The following HNF1A variants were observed in gnomAD, a reference collection of about 807,000 sequenced individuals.
HNF1A encodes the protein HNF1 homeobox A, also known as hepatocyte nuclear factor 1-alpha.
In HNF1A, 21 loss-of-function variants were observed where a neutral mutation model predicts 62.2. The observed-to-expected ratio is 0.34, with a 90% CI of 0.24 to 0.49. HNF1A has a LOEUF of 0.49. Among genes scored for constraint, HNF1A ranks in the 20% least tolerant of loss-of-function variants. HNF1A has a pLI of 0.99. For missense variants in HNF1A, 687 were observed against 832.3 expected (o/e 0.83, Z 2.15); for synonymous variants, 374 against 366.8 (o/e 1.02, Z -0.22).
chr12:120,996,510 C>A lies in HNF1A; in HGVS notation c.1108-31C>A, dbSNP rs374925436. ...AGGGAGGCCCTGTGGGGACCCCGGC[C>A]CCCCGGACACAGCTTGGCTTCCCCT... On this transcript the variant is annotated intron_variant, in intron 5 of 9. Transcript: ENST00000257555. The surrounding 1 kb of genome is among the most constrained non-coding windows in gnomAD (Gnocchi z 4.5). The A allele has an allele frequency of 3.3e-5, 54 of 1,613,022 alleles. No individual in the cohort carries two copies. In the African/African-American group the frequency reaches 6.4e-4, roughly 19 times the overall value.
chr12:121,000,965 G>C (rs1877421669), intron 9 of HNF1A, 100 bp from the exon 10 acceptor site: 1 of 1,502,506 alleles, frequency 6.7e-7, no homozygotes, highest in African/African-American at 1.4e-5. Flanking sequence ...GATCCAGGAG[G>C]TGTGGCCCTG....
intron 4 of HNF1A, among the ~76,000 whole-genome samples, chr12:120,994,745 A>G (rs570909155): frequency 1.3e-5 from 2 of 151,320 alleles, no homozygotes; most frequent in African/African-American, 2.4e-5. Context: ...CATCCCATCC[A>G]CTACATTCAA....
chr12:120,983,683 C>T (rs994638607), intron 1 of HNF1A, among the ~76,000 whole-genome samples: 1 of 151,746 alleles, frequency 6.6e-6, no homozygotes, highest in African/African-American at 2.4e-5. Flanking sequence ...GTAGCTGGGA[C>T]CACAGGCATA....
At chr12:120,997,866 G>C in intron 7 of HNF1A, 1 of 719,764 alleles carries the variant, frequency 1.4e-6, no homozygotes, top group Non-Finnish European at 2.6e-6. Context: ...CTGCTTGTGT[G>C]AGCAGATCCC....
chr12:120,994,319 C>G lies in HNF1A; in HGVS notation c.869C>G (p.Pro290Arg), dbSNP rs778231679. The G allele has an allele frequency of 6.2e-6, 10 of 1,610,226 alleles. 1 individual carries two copies. The highest frequency in any genetic ancestry group is 3.3e-5 in the South Asian group (3 of 90,522). ...KLAMDTYSGP[P>R]PGPGPGPALP... Reference sequence around the variant, plus strand: ...GCCATGGACACGTACAGCGGGCCCCCCCCAGGGCCAGGCCCGGGACCTGCG... The same window carrying G: ...GCCATGGACACGTACAGCGGGCCCCGCCCAGGGCCAGGCCCGGGACCTGCG... Residue 290 changes from proline to arginine, a missense_variant, in exon 4 of 10, where the codon CCC (proline) becomes CGC (arginine). Coordinates refer to ENST00000257555, the MANE Select transcript of HNF1A (RefSeq NM_000545.8).
In HNF1A at chr12:120,996,844, A is replaced by ATTCATT; in HGVS notation, c.1309+102_1309+103insTTCATT. 2.6e-6 allele frequency: 1 copy of ATTCATT among 390,150 alleles called. No homozygotes were observed. Among genetic ancestry groups the ATTCATT allele is most frequent in the Non-Finnish European group, 4.2e-6 (1 of 237,334 alleles). The allele number at this position is 390,150 out of a possible 1,614,324, so 24.2% of individuals were successfully genotyped here. A position where few individuals can be genotyped will look rare whatever the true frequency, so the allele number is the denominator to read the frequency against. On this transcript the variant is annotated intron_variant, in intron 6 of 9. Transcript: ENST00000257555. This position sits in a 1 kb window ranked among gnomAD's most constrained non-coding sequence, Gnocchi z 4.5. ...CACTGGGACTCATTCATTCATTCAT[A>ATTCATT]CAACATGTATTTATCCAGTGCCTAC... is the stretch of plus-strand genomic sequence containing the variant.
chr12:121,001,019 G>T, intron 9 of HNF1A, 46 bp from the exon 10 acceptor site: 2 of 1,609,824 alleles, frequency 1.2e-6, no homozygotes, highest in Non-Finnish European at 1.7e-6. Flanking sequence ...GGTGGGGTGG[G>T]TGTGGGTGCC....
At chr12:120,984,738 CG>C (rs1263566073) in intron 1 of HNF1A, among the ~76,000 whole-genome samples, 1 of 151,806 alleles carries the variant, frequency 6.6e-6, no homozygotes, top group Non-Finnish European at 1.5e-5. Context: ...GAGAGGCCTG[CG>C]GGGGTGGGGT....
chr12:120,994,469 G>A lies in HNF1A; in HGVS notation c.955+64G>A, dbSNP rs1421621317. On this transcript the variant is annotated intron_variant, in intron 4 of 9. Coordinates refer to ENST00000257555, the MANE Select transcript of HNF1A (RefSeq NM_000545.8). ...GGGAGGGTTGGGGAGGACTGTCCCA[G>A]TGACAGCAGTCACCTAAACCTCTTT... 4.6e-6 allele frequency: 7 copies of A among 1,532,082 alleles called. No homozygotes were observed. In the Admixed American group the frequency reaches 1.4e-4, roughly 31 times the overall value. The allele number at this position is 1,532,082 out of a possible 1,614,324, so 94.9% of individuals were successfully genotyped here.
chr12:120,982,329 C>T (rs1876294070), intron 1 of HNF1A, among the ~76,000 whole-genome samples: 1 of 152,294 alleles, frequency 6.6e-6, no homozygotes, highest in East Asian at 1.9e-4. Context: ...CTCGGCCTCC[C>T]AAAGTGCTGG....
Position 120,993,584 on chromosome 12 carries a change from G to T in HNF1A, c.591G>T (p.Lys197Asn). The stretch of plus-strand genomic sequence containing the variant: ...CCACAGGTGATGAGCTACCAACCAA[G>T]AAGGGGCGGAGGAACCGTTTCAAGT... ...EEPTGDELPT[K>N]KGRRNRFKWG... Residue 197 changes from lysine to asparagine, a missense_variant, in exon 3 of 10, where the codon AAG becomes AAT. By Grantham distance (94) the Lys-to-Asn change is moderately conservative. Transcript: ENST00000257555. 1 of 1,614,188 alleles carries T rather than the reference G, an allele frequency of 6.2e-7. No individual in the cohort carries two copies. Among genetic ancestry groups the T allele is most frequent in the Non-Finnish European group, 8.5e-7 (1 of 1,180,020 alleles).
Position 121,001,270 on chromosome 12 carries a change from C to T in HNF1A, c.*78C>T. 6.4e-7 allele frequency: 1 copy of T among 1,554,468 alleles called. No homozygotes were observed. The highest frequency in any genetic ancestry group is 1.1e-5 in the South Asian group (1 of 87,596). The stretch of plus-strand genomic sequence containing the variant: ...GCAGCAGCCAGCCCTGCCTGGAGGA[C>T]CTGAGCCTGCCGAGCAACCGTGGCC... On this transcript the variant is annotated 3_prime_UTR_variant, in exon 10 of 10. Coordinates refer to ENST00000257555, the MANE Select transcript of HNF1A (RefSeq NM_000545.8).
chr12:120,989,118 TCC>T (rs1411526015), intron 2 of HNF1A, 86 bp downstream of exon 2: 3 of 1,254,978 alleles, frequency 2.4e-6, no homozygotes, highest in Non-Finnish European at 3.4e-6. Context: ...AGCTTCACCA[TCC>T]CCATTACACA....
At chr12:120,986,758 T>G (rs1876531227) in intron 1 of HNF1A, among the ~76,000 whole-genome samples, 1 of 152,186 alleles carries the variant, frequency 6.6e-6, no homozygotes, top group South Asian at 2.1e-4. Context: ...TTTTTATTTT[T>G]ATTATTTTTT....
At chr12:120,989,106 G>A (rs577867222) in intron 2 of HNF1A, 74 bp downstream of exon 2, 1 of 1,416,976 alleles carries the variant, frequency 7.1e-7, no homozygotes, top group African/African-American at 1.4e-5. Flanking sequence ...GTGGGGGCTG[G>A]AAGCTTCACC....
rs779177533 is a variant in HNF1A at position 120,997,477 on chromosome 12, T to C, written c.1313T>C (p.Leu438Pro). The change falls in exon 7 of 10, where the codon CTG becomes CCG. Residue 438 changes from leucine to proline, a missense_variant. This residue lies in a region of HNF1A where 408 missense variants were observed against 455.3 expected (regional missense o/e 0.90). Transcript: ENST00000257555. ...NTGASTLVIG[L>P]ASTQAQSVPV... ...ATTCCCTCCCCTTCCACTCCAGGCC[T>C]GGCCTCCACGCAGGCACAGAGTGTG... 1 of 1,606,268 alleles carries C rather than the reference T, an allele frequency of 6.2e-7. No homozygotes were observed. Among genetic ancestry groups the C allele is most frequent in the South Asian group, 1.1e-5 (1 of 90,794 alleles).
chr12:120,988,772 A>G, intron 1 of HNF1A, 61 bp from the exon 2 acceptor site: 1 of 1,513,800 alleles, frequency 6.6e-7, no homozygotes, highest in Non-Finnish European at 9.1e-7. Context: ...CCAGGACCGC[A>G]GCCCCACCTA....
At chr12:121,000,486 T>C in intron 9 of HNF1A, 1 of 167,682 alleles carries the variant, frequency 6.0e-6, no homozygotes, top group Non-Finnish European at 1.3e-5. Flanking sequence ...TCAGTCAGGG[T>C]TCTCCAGGAA....
In HNF1A at chr12:120,994,920, AACTCCACTCCATCC is replaced by A. The variant is rs539865178; in HGVS notation, c.955+531_955+544del. ...CAACTTCATCCCATCTACTACATTC[AACTCCACTCCATCC>A]ACTCCACTCCATCCATTCCCTCCAA... On this transcript the variant is annotated intron_variant, in intron 4 of 9. Transcript: ENST00000257555. Among the ~76,000 whole-genome samples, 624 of 142,170 alleles carry A rather than the reference AACTCCACTCCATCC, an allele frequency of 4.4e-3. 3 individuals are homozygous for A. The highest frequency in any genetic ancestry group is 6.7e-3 in the Non-Finnish European group (440 of 65,412). The allele number at this position is 142,170 out of a possible 152,430, so 93.3% of individuals were successfully genotyped here.
Sources: gnomAD v4.1 joint callset for allele counts (sites outside exome capture counted in the v4.1 genomes callset) on GRCh38, gnomAD v4.1.1 for gene constraint, gnomAD v4.1.1 regional missense constraint, Gnocchi (gnomAD v3.1) non-coding constraint, MANE v1.5 for transcripts, NCBI Gene and HGNC (gene_info 2026-07-23, HGNC 2026-07-21) for gene names.